KCNMA1: variants seen among roughly 807,000 people sequenced by gnomAD.
The protein encoded by KCNMA1 is potassium calcium-activated channel subfamily M alpha 1, also known as Calcium-activated potassium channel subunit alpha-1.
Under a neutral mutation model 140.0 loss-of-function variants are expected in KCNMA1, and 29 were observed. The ratio of observed to expected loss-of-function variants is 0.21; its 90% confidence interval spans 0.15 to 0.28. The LOEUF is 0.28. Among genes scored for constraint, KCNMA1 ranks in the 10% least tolerant of loss-of-function variants. The probability of loss-of-function intolerance (pLI) is 1.00; values close to 1 mark genes in which losing one functional copy is unlikely to be tolerated. For missense variants in KCNMA1, 880 were observed against 1,602.2 expected, an observed-to-expected ratio of 0.55 and a Z score of 7.70; for synonymous variants, 612 against 611.9, an observed-to-expected ratio of 1.00 and a Z score of 0.00.
In KCNMA1 at chr10:77,134,460, A is replaced by G. The variant is rs11002036; in HGVS notation, c.809-13412T>C. On this transcript the variant is annotated intron_variant, in intron 5 of 27. Coordinates refer to ENST00000286628, the MANE Select transcript of KCNMA1 (RefSeq NM_001161352.2). ...TAAATTAATTAAATGAAACTATTTT[A>G]TCTTAACTTGGTTCAAATAAAAAAA... Among the ~76,000 whole-genome samples the G allele has an allele frequency of 6.6e-3, 1,010 of 152,272 alleles. 13 individuals are homozygous for G. The highest frequency in any genetic ancestry group is 0.023 in the African/African-American group (948 of 41,572).
chr10:77,310,006 G>C (rs538992430), intron 2 of KCNMA1, among the ~76,000 whole-genome samples: 17 of 152,260 alleles, frequency 1.1e-4, no homozygotes, highest in Admixed American at 9.2e-4. Flanking sequence ...TTATGGGTTT[G>C]GTGCTGAATT....
chr10:77,581,981 TAAA>T lies in KCNMA1; in HGVS notation c.378+55281_378+55283del, dbSNP rs200141153. 3.1e-3 allele frequency among the ~76,000 whole-genome samples: 473 copies of T among 152,120 alleles called. 7 individuals carry two copies. The highest frequency in any genetic ancestry group is 0.025 in the South Asian group (119 of 4,812). ...CCTGGCAAGAAAGCTGGCCATAGAG[TAAA>T]ACCTCTTTTTAAAAATTCAGCAAAC... On this transcript the variant is annotated intron_variant, in intron 1 of 27. Transcript: ENST00000286628.
At chr10:76,920,301 T>C (rs1236017528) in intron 23 of KCNMA1, among the ~76,000 whole-genome samples, 2 of 151,520 alleles carry the variant, frequency 1.3e-5, no homozygotes, top group Non-Finnish European at 2.9e-5. Flanking sequence ...AGAAAAAAAA[T>C]AGCCAACACT....
intron 2 of KCNMA1, among the ~76,000 whole-genome samples, chr10:77,395,886 T>C (rs1231002770): frequency 1.3e-5 from 2 of 152,242 alleles, no homozygotes; most frequent in Non-Finnish European, 1.5e-5. Flanking sequence ...GGGTAAATGA[T>C]GTTGAGTCAA....
rs2038086303 is a variant in KCNMA1 at position 76,888,141 on chromosome 10, C to T, written c.3462-626G>A. ...CTGTTTCACTTAGAGCAGTGGTCAC[C>T]AAGTGTGGTCCTTAGGCCACACAGG... is the stretch of plus-strand genomic sequence containing the variant. On this transcript the variant is annotated intron_variant, in intron 27 of 27. Transcript: ENST00000286628. 5.6e-5 allele frequency: 9 copies of T among 159,522 alleles called. No individual in the cohort carries two copies. In the South Asian group the frequency reaches 1.6e-3, roughly 29 times the overall value. The allele number at this position is 159,522 out of a possible 1,614,324, so 9.9% of individuals were successfully genotyped here.
intron 2 of KCNMA1, among the ~76,000 whole-genome samples, chr10:77,306,844 AAGGGC>A (rs2154339214): frequency 6.6e-6 from 1 of 152,326 alleles, no homozygotes; most frequent in African/African-American, 2.4e-5. Flanking sequence ...CTTACGCAAA[AAGGGC>A]AGGGCATTTA....
At chr10:77,041,718 T>C (rs974598464) in intron 14 of KCNMA1, among the ~76,000 whole-genome samples, 1 of 152,220 alleles carries the variant, frequency 6.6e-6, no homozygotes, top group Non-Finnish European at 1.5e-5. Flanking sequence ...TGTGTGTCTT[T>C]GGCTGCAGCC....
chr10:77,317,141 C>T (rs2154350912), intron 2 of KCNMA1, among the ~76,000 whole-genome samples: 1 of 152,280 alleles, frequency 6.6e-6, no homozygotes, highest in Non-Finnish European at 1.5e-5. Flanking sequence ...CTGCCAACTG[C>T]CAGGCCCCAG....
At chr10:77,059,405 CG>C (rs796750506) in intron 14 of KCNMA1, among the ~76,000 whole-genome samples, 1 of 152,038 alleles carries the variant, frequency 6.6e-6, no homozygotes, top group African/African-American at 2.4e-5. Flanking sequence ...GTCTAAGAAA[CG>C]TACAAACTAA....
chr10:77,002,667 GT>G (rs1208126813), intron 18 of KCNMA1, among the ~76,000 whole-genome samples: 1 of 152,182 alleles, frequency 6.6e-6, no homozygotes, highest in African/African-American at 2.4e-5. Flanking sequence ...GTTGTTGGAA[GT>G]CAGCATCGTA....
At chr10:77,277,900 A>C (rs538373952) in intron 2 of KCNMA1, among the ~76,000 whole-genome samples, 1 of 152,172 alleles carries the variant, frequency 6.6e-6, no homozygotes, top group Admixed American at 6.5e-5. Context: ...AGTTTCTAAG[A>C]GTTCAAAGAA....
chr10:77,243,783 C>G (rs1293434817), intron 3 of KCNMA1, among the ~76,000 whole-genome samples: 1 of 152,120 alleles, frequency 6.6e-6, no homozygotes, highest in Non-Finnish European at 1.5e-5. Flanking sequence ...CACAGTGGAG[C>G]TGAACTCTTA....
chr10:76,945,813 A>G (rs2063781086), intron 22 of KCNMA1, among the ~76,000 whole-genome samples: 2 of 152,056 alleles, frequency 1.3e-5, no homozygotes, highest in Non-Finnish European at 1.5e-5. Flanking sequence ...ATGTAAAAAA[A>G]AAAACCCACA....
chr10:77,256,709 A>C (rs1346353111), intron 2 of KCNMA1, among the ~76,000 whole-genome samples: 1 of 152,162 alleles, frequency 6.6e-6, no homozygotes, highest in Non-Finnish European at 1.5e-5. Flanking sequence ...ATGATTCTGC[A>C]TGTTTGATCA....
chr10:76,927,230 A>G (rs1009340468), intron 23 of KCNMA1, among the ~76,000 whole-genome samples: 1 of 152,172 alleles, frequency 6.6e-6, no homozygotes, highest in Non-Finnish European at 1.5e-5. Context: ...ACCTTTGCCC[A>G]GAGGATAAAA....
rs570669973 is a variant in KCNMA1, at chr10:77,053,164, C to A, written c.1750-13527G>T. ...CCTGTTTGGGCAAAGAGACCCCTCC[C>A]TGTCCCCATGCTCACCTGTCCCATG... On this transcript the variant is annotated intron_variant, in intron 14 of 27. Coordinates refer to ENST00000286628, the MANE Select transcript of KCNMA1 (RefSeq NM_001161352.2). Among the ~76,000 whole-genome samples the A allele has an allele frequency of 2.6e-5, 4 of 151,226 alleles. No homozygotes were observed. In the East Asian group the frequency reaches 7.8e-4, roughly 30 times the overall value.
exon 28 of KCNMA1, chr10:76,871,137 C>T (rs1379452058): frequency 6.6e-6 from 1 of 152,398 alleles, no homozygotes; most frequent in African/African-American, 2.4e-5. Flanking sequence ...TTTCTAAGTG[C>T]CTCTGTGGGT....
rs143380880 is a variant in KCNMA1 at position 77,474,805 on chromosome 10, G to C, written c.379-70782C>G. Among the ~76,000 whole-genome samples, 40 of 152,288 alleles carry C rather than the reference G, an allele frequency of 2.6e-4. No individual in the cohort carries two copies. The East Asian group carries it at 7.7e-3, about 29-fold the overall frequency. On this transcript the variant is annotated intron_variant, in intron 1 of 27. Coordinates refer to ENST00000286628, the MANE Select transcript of KCNMA1 (RefSeq NM_001161352.2). Reference sequence around the variant, plus strand: ...CGGGAGAGCTGGTGGGTTTAGCCAGGCTACCTGAGCAAGCTGCTCAGTCTT... The same window carrying C: ...CGGGAGAGCTGGTGGGTTTAGCCAGCCTACCTGAGCAAGCTGCTCAGTCTT...
At chr10:77,081,499 A>AC in intron 12 of KCNMA1, among the ~76,000 whole-genome samples, 1 of 151,870 alleles carries the variant, frequency 6.6e-6, no homozygotes, top group South Asian at 2.1e-4. Flanking sequence ...TATTATGACC[A>AC]CCCCCACAAA....
Sources: gnomAD v4.1 joint callset for allele counts (sites outside exome capture counted in the v4.1 genomes callset) on GRCh38, gnomAD v4.1.1 for gene constraint, MANE v1.5 for transcripts, NCBI Gene and HGNC (gene_info 2026-07-23, HGNC 2026-07-21) for gene names.